The following B4GALNT3 variants were observed in gnomAD, a reference collection of about 807,000 sequenced individuals.
B4GALNT3 encodes the protein beta-1,4-N-acetyl-galactosaminyltransferase 3.
Under a neutral mutation model 120.2 loss-of-function variants are expected in B4GALNT3, and 86 were observed. The ratio of observed to expected loss-of-function variants is 0.72; its 90% CI spans 0.60 to 0.86. The LOEUF is 0.86. Ranked by LOEUF, B4GALNT3 falls within the 40% of genes least tolerant of loss-of-function variation. The pLI is 0.00. For missense variants in B4GALNT3, 1,167 were observed against 1,298.9 expected (o/e 0.90, Z 1.56); for synonymous variants, 518 against 510.4 (o/e 1.01, Z -0.20).
chr12:480,747 G>C (rs905844968), intron 1 of B4GALNT3, among the ~76,000 whole-genome samples: 2 of 152,176 alleles, frequency 1.3e-5, no homozygotes, highest in Non-Finnish European at 2.9e-5. Context: ...ATAGGCGGGG[G>C]CTGTGAGGAG....
At chr12:490,056 G>A (rs1279089350) in intron 1 of B4GALNT3, among the ~76,000 whole-genome samples, 1 of 152,154 alleles carries the variant, frequency 6.6e-6, no homozygotes, top group East Asian at 1.9e-4. Flanking sequence ...TAAAAATCTT[G>A]AACTAAATGA....
chr12:493,592 GTTTTT>G (rs34112834), intron 1 of B4GALNT3, among the ~76,000 whole-genome samples: 2 of 147,228 alleles, frequency 1.4e-5, no homozygotes, highest in African/African-American at 2.5e-5. Flanking sequence ...AAATATAATG[GTTTTT>G]TTTTTTTTTT....
intron 1 of B4GALNT3, among the ~76,000 whole-genome samples, chr12:500,646 T>C (rs1299348749): frequency 6.6e-6 from 1 of 152,100 alleles, no homozygotes; most frequent in Non-Finnish European, 1.5e-5. Flanking sequence ...GGTAAATAGC[T>C]ACTGCCCTGA....
chr12:505,394 C>G (rs1434707265), intron 1 of B4GALNT3, among the ~76,000 whole-genome samples: 1 of 152,130 alleles, frequency 6.6e-6, no homozygotes, highest in Non-Finnish European at 1.5e-5. Context: ...TACAGCAGCC[C>G]CCTTTCCTCT....
At chr12:478,270 AAATTAG>A (rs1463444966) in intron 1 of B4GALNT3, among the ~76,000 whole-genome samples, 1 of 113,934 alleles carries the variant, frequency 8.8e-6, no homozygotes. Context: ...AAAAAAAAAA[AAATTAG>A]AGGAGGTAAA....
In B4GALNT3 at chr12:561,547, G is replaced by T. The variant is rs550462354; in HGVS notation, c.*96G>T. 9.1e-5 allele frequency: 92 copies of T among 1,007,126 alleles called. 1 individual carries two copies. In the African/African-American group the frequency reaches 1.1e-3, roughly 12 times the overall value. The allele number at this position is 1,007,126 out of a possible 1,614,324, so 62.4% of individuals were successfully genotyped here. A position where few individuals can be genotyped will look rare whatever the true frequency, so the allele number is the denominator to read the frequency against. ...GTTCAGGGATGGGGAGTGGGGTGACGGCTGGACCCCAAGAGGCCTCGAAGC... is the reference window on the plus strand; with the variant it reads ...GTTCAGGGATGGGGAGTGGGGTGACTGCTGGACCCCAAGAGGCCTCGAAGC... On this transcript the variant is annotated 3_prime_UTR_variant, in exon 20 of 20. Coordinates refer to ENST00000266383, the MANE Select transcript of B4GALNT3 (RefSeq NM_173593.4).
intron 1 of B4GALNT3, among the ~76,000 whole-genome samples, chr12:506,453 C>T (rs1054523005): frequency 6.6e-6 from 1 of 151,946 alleles, no homozygotes; most frequent in Admixed American, 6.6e-5. Flanking sequence ...CTTTTTTCTA[C>T]TTAAAAACAT....
chr12:544,268 C>G, intron 3 of B4GALNT3, 71 bp from the exon 4 acceptor site: 1 of 1,464,278 alleles, frequency 6.8e-7, no homozygotes, highest in Non-Finnish European at 9.5e-7. Context: ...TGCTCATCCC[C>G]CTGGAGCTGA....
chr12:506,267 A>T (rs868568361), intron 1 of B4GALNT3, among the ~76,000 whole-genome samples: 1 of 152,182 alleles, frequency 6.6e-6, no homozygotes, highest in Non-Finnish European at 1.5e-5. Flanking sequence ...AAATATCATC[A>T]TTTTATAACT....
At chr12:558,126 A>C in intron 17 of B4GALNT3, 38 bp downstream of exon 17, 1 of 1,601,652 alleles carries the variant, frequency 6.2e-7, no homozygotes, top group South Asian at 1.1e-5. Context: ...ATGGAATTCA[A>C]GGCTGGTTAA....
intron 14 of B4GALNT3, among the ~76,000 whole-genome samples, chr12:554,714 C>T (rs7969654): frequency 0.024 from 3,147 of 131,364 alleles, 63 homozygotes; most frequent in Middle Eastern, 0.081. Flanking sequence ...GGCGTGAACC[C>T]GGGAGGCGGA....
intron 1 of B4GALNT3, among the ~76,000 whole-genome samples, chr12:514,093 GTC>G (rs1247592898): frequency 6.6e-6 from 1 of 152,120 alleles, no homozygotes; most frequent in East Asian, 1.9e-4. Context: ...TTGAGGGACT[GTC>G]AGATTTTTCC....
At chr12:491,334 C>CTTTT (rs34540336) in intron 1 of B4GALNT3, among the ~76,000 whole-genome samples, 1 of 142,582 alleles carries the variant, frequency 7.0e-6, no homozygotes, top group Non-Finnish European at 1.5e-5. Context: ...GATACAAATT[C>CTTTT]TTTTTTTTTT....
chr12:535,308 T>A, intron 2 of B4GALNT3, 39 bp downstream of exon 2: 1 of 1,565,910 alleles, frequency 6.4e-7, no homozygotes, highest in Non-Finnish European at 8.8e-7. Flanking sequence ...GCTGATGCCT[T>A]AACAAAGGTC....
In B4GALNT3 at chr12:547,155, C is replaced by CGGGCGTTGCTGGGCGTTGCT. The variant is rs71293141; in HGVS notation, c.707+445_707+464dup. On this transcript the variant is annotated intron_variant, in intron 7 of 19. Transcript: ENST00000266383. ...CGCGCGCTCACGCAGGCGGGAAGAGCGGGCGTTGCTGGGCGTTGCTGGACG... is the reference window on the plus strand; with the variant it reads ...CGCGCGCTCACGCAGGCGGGAAGAGCGGGCGTTGCTGGGCGTTGCTGGGCGTTGCTGGGCGTTGCTGGACG... 2.3e-3 allele frequency among the ~76,000 whole-genome samples: 342 copies of CGGGCGTTGCTGGGCGTTGCT among 151,460 alleles called. 1 individual carries two copies. Among genetic ancestry groups the CGGGCGTTGCTGGGCGTTGCT allele is most frequent in the East Asian group, 0.02 (102 of 5,082 alleles).
rs1163726741 is a variant in B4GALNT3, at chr12:557,722, TGGATGTTGAG to T, written c.2496_2505del (p.Met832IlefsTer4). 3.2e-5 allele frequency: 51 copies of T among 1,603,928 alleles called. No homozygotes were observed. The highest frequency in any genetic ancestry group is 4.3e-5 in the Non-Finnish European group (51 of 1,177,120). ...ATCACTGACTATAGCAGTGAGGACA[TGGATGTTGAG>T]ATGGCACTGAAGAGGTCCAAGCTGC... On this transcript the variant is annotated frameshift_variant, in exon 16 of 20. Coordinates refer to ENST00000266383, the MANE Select transcript of B4GALNT3 (RefSeq NM_173593.4). LOFTEE classifies it high-confidence loss of function.
At chr12:532,636 G>A (rs1026421103) in intron 1 of B4GALNT3, among the ~76,000 whole-genome samples, 4 of 152,112 alleles carry the variant, frequency 2.6e-5, no homozygotes, top group African/African-American at 9.7e-5. Flanking sequence ...TGAGAAGCTT[G>A]GTCAGATGTT....
At chr12:536,130 T>A in intron 2 of B4GALNT3, 88 bp from the exon 3 acceptor site, 1 of 1,100,870 alleles carries the variant, frequency 9.1e-7, no homozygotes, top group South Asian at 1.3e-5. Flanking sequence ...AGCCGACGCC[T>A]CCTGGGAGCA....
rs1946015106 is a variant in B4GALNT3, at chr12:460,854, C to G, written c.169+309C>G. Among the ~76,000 whole-genome samples, 1 of 152,140 alleles carries G rather than the reference C, an allele frequency of 6.6e-6. No homozygotes were observed. ...GCTCCCCGCCCGTCCCGCCGAGACG[C>G]TGGCGGAGACCGGGCCCCTCCAGCC... On this transcript the variant is annotated intron_variant, in intron 1 of 19. Coordinates refer to ENST00000266383, the MANE Select transcript of B4GALNT3 (RefSeq NM_173593.4). This position sits in a 1 kb window ranked among gnomAD's most constrained non-coding sequence, Gnocchi z 8.0.
Sources: allele counts gnomAD v4.1 joint callset (sites outside exome capture counted in the v4.1 genomes callset), GRCh38; gene constraint gnomAD v4.1.1; non-coding constraint Gnocchi (gnomAD v3.1); transcripts MANE v1.5; gene names NCBI Gene and HGNC (gene_info 2026-07-23, HGNC 2026-07-21).